CKLF: variants seen among roughly 807,000 people sequenced by gnomAD.
CKLF encodes the protein chemokine like factor.
In CKLF, 16 loss-of-function variants were observed where a neutral mutation model predicts 12.9. That is an observed-to-expected ratio of 1.24 (90% CI 0.84 to 1.88). The LOEUF (loss-of-function observed/expected upper bound fraction) is 1.88. Among genes scored for constraint, CKLF ranks in the 40% most tolerant of loss-of-function variants. CKLF has a pLI of 0.00. For synonymous variants in CKLF, 61 were observed against 69.0 expected (o/e 0.88, Z 0.57); for missense variants, 172 against 188.5 (o/e 0.91, Z 0.51).
chr16:66,565,309 G>A (rs1222293868), intron 3 of CKLF, among the ~76,000 whole-genome samples: 3 of 152,174 alleles, frequency 2.0e-5, no homozygotes, highest in African/African-American at 7.2e-5. Context: ...AGGCCCCCAC[G>A]TGTTCTTAGT....
intron 1 of CKLF, among the ~76,000 whole-genome samples, chr16:66,554,374 T>C (rs1036442192): frequency 6.6e-6 from 1 of 152,342 alleles, no homozygotes; most frequent in South Asian, 2.1e-4. Flanking sequence ...AAGAGCCACC[T>C]GAGTAAAGGC....
At chr16:66,553,394 T>A (rs1192413634) in intron 1 of CKLF, 1 of 152,052 alleles carries the variant, frequency 6.6e-6, no homozygotes, top group African/African-American at 2.4e-5. Context: ...TCAAGGCTGA[T>A]ACAGCCCAGA....
rs373230480 is a variant in CKLF at position 66,566,043 on chromosome 16, A to G, written c.*32A>G. ...ATTACTTTTTAGTTTGATACTAAGT[A>G]TTAAACATATTTCTGTATTCTTCCA... On this transcript the variant is annotated 3_prime_UTR_variant, in exon 4 of 4. Transcript: ENST00000264001. This position sits in a 1 kb window ranked among gnomAD's most constrained non-coding sequence, Gnocchi z 4.9. 1 of 1,608,190 alleles carries G rather than the reference A, an allele frequency of 6.2e-7. No homozygotes were observed. Among genetic ancestry groups the G allele is most frequent in the Non-Finnish European group, 8.5e-7 (1 of 1,175,392 alleles).
Position 66,552,936 on chromosome 16 carries a change from GGAA to G in CKLF, c.78+148_78+150del, listed in dbSNP as rs151334970. On this transcript the variant is annotated intron_variant, in intron 1 of 3. Coordinates refer to ENST00000264001, the MANE Select transcript of CKLF (RefSeq NM_016951.4). ...GAAAGGCAAGGCATGGCCTCCTTGG[GGAA>G]GAAGGAGAGAGATACGGCACTGTCC... The G allele has an allele frequency of 7.7e-4, 901 of 1,163,938 alleles. 11 individuals are homozygous for G. In the East Asian group the frequency reaches 0.019, roughly 25 times the overall value. The allele number at this position is 1,163,938 out of a possible 1,614,324, so 72.1% of individuals were successfully genotyped here.
chr16:66,565,714 A>G, intron 3 of CKLF, 172 bp from the exon 4 acceptor site: 1 of 647,466 alleles, frequency 1.5e-6, no homozygotes. Context: ...CTTAGCAATG[A>G]GGAGAATAAG....
At position 66,558,788 on chromosome 16, in the gene CKLF, G is replaced by T. The variant is rs75289611; in HGVS notation, c.237+440G>T. On this transcript the variant is annotated intron_variant, in intron 2 of 3. Coordinates refer to ENST00000264001, the MANE Select transcript of CKLF (RefSeq NM_016951.4). ...CACTAAATGGAAAATCAAACTAATT[G>T]GGGAGGCTAAAGTACAATGTTATCT... is the stretch of plus-strand genomic sequence containing the variant. Among the ~76,000 whole-genome samples the T allele has an allele frequency of 3.9e-5, 6 of 152,182 alleles. No homozygotes were observed. The East Asian group carries it at 1.2e-3, about 29-fold the overall frequency.
chr16:66,562,666 AAGAT>A (rs1280799986), intron 2 of CKLF, among the ~76,000 whole-genome samples: 6 of 152,212 alleles, frequency 3.9e-5, no homozygotes, highest in Non-Finnish European at 8.8e-5. Context: ...GGTTTCCTGA[AAGAT>A]AGATGCTAAA....
chr16:66,565,741 C>T, intron 3 of CKLF, 145 bp from the exon 4 acceptor site: 1 of 720,284 alleles, frequency 1.4e-6, no homozygotes. Context: ...TCTGAAGTCT[C>T]TCCATGTTAG....
chr16:66,558,046 G>A (rs1047068828), intron 1 of CKLF, 144 bp from the exon 2 acceptor site: 42 of 1,226,952 alleles, frequency 3.4e-5, no homozygotes, highest in Admixed American at 5.2e-5. Context: ...AGCTTCAAGC[G>A]ATCCTCCTAC....
chr16:66,565,027 G>GA (rs16970053), intron 3 of CKLF, among the ~76,000 whole-genome samples: 7,118 of 151,844 alleles, frequency 0.047, 548 homozygotes, highest in African/African-American at 0.16. Flanking sequence ...GAGAATAAAG[G>GA]AAAAAAAATG....
chr16:66,565,987 G>A lies in CKLF; in HGVS notation c.435G>A (p.Val145=), dbSNP rs2232729. 7.5e-3 allele frequency: 12,154 copies of A among 1,612,022 alleles called. 61 individuals carry two copies. Among genetic ancestry groups the A allele is most frequent in the Non-Finnish European group, 8.6e-3 (10,102 of 1,178,452 alleles). Residue 145 remains valine (V), a synonymous_variant, in exon 4 of 4, where the codon GTG becomes GTA. Coordinates refer to ENST00000264001, the MANE Select transcript of CKLF (RefSeq NM_016951.4). The part of the protein sequence containing the change: ...NPSGPYQKKP[V]HEKKEVL ...GCGGTCCTTACCAGAAAAAGCCTGT[G>A]CATGAAAAAAAAGAAGTTTTGTAAT... is the stretch of plus-strand genomic sequence containing the variant.
chr16:66,563,022 C>CT (rs769570825), intron 2 of CKLF, 100 bp from the exon 3 acceptor site: 66 of 1,381,168 alleles, frequency 4.8e-5, no homozygotes, highest in Middle Eastern at 4.0e-4. Flanking sequence ...TGCCTGCTGA[C>CT]TTTGTTTTTT....
chr16:66,557,004 A>G (rs1303955767), intron 1 of CKLF, among the ~76,000 whole-genome samples: 2 of 152,104 alleles, frequency 1.3e-5, no homozygotes, highest in Non-Finnish European at 2.9e-5. Flanking sequence ...TAACATTGCC[A>G]TGTTCTGTAT....
chr16:66,560,214 A>G (rs1246251316), intron 2 of CKLF, among the ~76,000 whole-genome samples: 1 of 152,066 alleles, frequency 6.6e-6, no homozygotes, highest in East Asian at 1.9e-4. Flanking sequence ...AAAGAGCATG[A>G]CCCTCCAGGA....
Position 66,558,281 on chromosome 16 carries a change from T to C in CKLF, c.170T>C (p.Leu57Ser), listed in dbSNP as rs759581072. 2.5e-6 allele frequency: 4 copies of C among 1,613,994 alleles called. No individual in the cohort carries two copies. Among genetic ancestry groups the C allele is most frequent in the Non-Finnish European group, 3.4e-6 (4 of 1,179,992 alleles). The change falls in exon 2 of 4, where the codon TTA (leucine) becomes TCA (serine). Residue 57 changes from leucine (L) to serine (S), a missense_variant. By Grantham distance (145) the Leu-to-Ser change is moderately radical. Coordinates refer to ENST00000264001, the MANE Select transcript of CKLF (RefSeq NM_016951.4). The part of the protein sequence containing the change: ...VITGFEVTVI[L>S]FFILLYVLRL... ...ACTGGATTTGAAGTCACCGTTATCT[T>C]ATTTTTCATACTTTTATATGTACTC...
At chr16:66,565,287 CAG>C (rs1253543272) in intron 3 of CKLF, among the ~76,000 whole-genome samples, 1 of 152,186 alleles carries the variant, frequency 6.6e-6, no homozygotes, top group East Asian at 1.9e-4. Context: ...AGATAGCCAT[CAG>C]AGTGTCTGAA....
chr16:66,563,389 A>G (rs2011887206), intron 3 of CKLF, among the ~76,000 whole-genome samples, 172 bp downstream of exon 3: 1 of 152,224 alleles, frequency 6.6e-6, no homozygotes, highest in South Asian at 2.1e-4. Flanking sequence ...GCCCTGATTA[A>G]CATGAAGGAG....
downstream of CKLF, chr16:66,566,106 T>C: frequency 6.2e-7 from 1 of 1,611,510 alleles, no homozygotes; most frequent in South Asian, 1.1e-5. This position sits in a 1 kb window ranked among gnomAD's most constrained non-coding sequence, Gnocchi z 4.9. Context: ...GTATAGGAGC[T>C]AGAGGAAGAG....
At chr16:66,558,134 C>T (rs2011518950) in intron 1 of CKLF, 56 bp from the exon 2 acceptor site, 2 of 1,586,534 alleles carry the variant, frequency 1.3e-6, no homozygotes, top group Non-Finnish European at 1.7e-6. Flanking sequence ...GTCATTTTTA[C>T]AGTTTAAATT....
Sources: gnomAD v4.1 joint callset for allele counts (sites outside exome capture counted in the v4.1 genomes callset) on GRCh38, gnomAD v4.1.1 for gene constraint, Gnocchi (gnomAD v3.1) non-coding constraint, MANE v1.5 for transcripts, NCBI Gene and HGNC (gene_info 2026-07-23, HGNC 2026-07-21) for gene names.